The following CA6 variants were observed in gnomAD, a reference collection of about 807,000 sequenced individuals.
The protein encoded by CA6 is carbonic anhydrase 6.
CA6 carries 28 observed loss-of-function variants against 35.9 expected under a neutral mutation model. The ratio of observed to expected loss-of-function variants is 0.78; its 90% CI spans 0.58 to 1.07. The LOEUF (loss-of-function observed/expected upper bound fraction) is 1.07, where lower values mean the gene tolerates loss of function less well. CA6 is among the 50% of genes least tolerant of loss of function. The probability of loss-of-function intolerance (pLI) is 0.00; values close to 1 mark genes in which losing one functional copy is unlikely to be tolerated. For synonymous variants in CA6, 148 were observed against 152.6 expected, an observed-to-expected ratio of 0.97 and a Z score of 0.22; for missense variants, 377 against 382.0, an observed-to-expected ratio of 0.99 and a Z score of 0.11.
Position 8,945,892 on chromosome 1 carries a change from G to A in CA6, c.6G>A (p.Arg2=). ...CATTACAGATGTGCAGCACCATGAG[G>A]GCCCTGGTGCTTCTGCTGTCCCTGT... M[R]ALVLLLSLFL... Residue 2 remains arginine (R), a synonymous_variant, in exon 1 of 8, where the codon AGG becomes AGA. Coordinates refer to ENST00000377443, the MANE Select transcript of CA6 (RefSeq NM_001215.4). 6.2e-7 allele frequency: 1 copy of A among 1,608,972 alleles called. No individual in the cohort carries two copies. Among genetic ancestry groups the A allele is most frequent in the Non-Finnish European group, 8.5e-7 (1 of 1,175,476 alleles).
intron 2 of CA6, among the ~76,000 whole-genome samples, chr1:8,951,208 C>T (rs1447739101): frequency 1.4e-5 from 2 of 142,074 alleles, no homozygotes; most frequent in African/African-American, 5.4e-5. Flanking sequence ...AAGAGCAAAA[C>T]TCCATCTCAA....
intron 6 of CA6, among the ~76,000 whole-genome samples, chr1:8,969,605 G>A (rs142375482): frequency 1.3e-5 from 2 of 152,222 alleles, no homozygotes; most frequent in East Asian, 3.9e-4. Flanking sequence ...ATTCAAGAAT[G>A]CCAATTAGTT....
chr1:8,973,794 CCTCCCT>C lies in CA6; in HGVS notation c.845-824_845-819del, dbSNP rs1277878539. Among the ~76,000 whole-genome samples, 6 of 79,428 alleles carry C rather than the reference CCTCCCT, an allele frequency of 7.6e-5. 1 individual carries two copies. The highest frequency in any genetic ancestry group is 5.9e-4 in the African/African-American group (5 of 8,518). 52.1% of individuals were successfully genotyped at this position (79,428 alleles called of 152,430 possible). On this transcript the variant is annotated intron_variant, in intron 7 of 7. Transcript: ENST00000377443. ...TTTCTTTCTTTCTTTCTTTTCCCTC[CCTCCCT>C]CTCTCTCTCTCTCTCTCTCTTTCTT...
chr1:8,959,455 C>T (rs529843590), intron 4 of CA6, among the ~76,000 whole-genome samples: 1 of 151,358 alleles, frequency 6.6e-6, no homozygotes, highest in African/African-American at 2.4e-5. Context: ...GCTGGGATTA[C>T]AGGCACCTGC....
chr1:8,955,106 G>A (rs1639639892), intron 2 of CA6, among the ~76,000 whole-genome samples: 1 of 148,372 alleles, frequency 6.7e-6, no homozygotes, highest in Non-Finnish European at 1.5e-5. Flanking sequence ...CCCAGGTGCC[G>A]TGGCTCACCT....
At chr1:8,951,508 T>C (rs757686868) in intron 2 of CA6, 2 of 765,172 alleles carry the variant, frequency 2.6e-6, no homozygotes, top group Admixed American at 3.4e-5. Flanking sequence ...AGTGGCTTTG[T>C]TCACCCTCCC....
intron 2 of CA6, among the ~76,000 whole-genome samples, chr1:8,956,891 G>A (rs78462902): frequency 6.6e-6 from 1 of 152,312 alleles, no homozygotes; most frequent in Non-Finnish European, 1.5e-5. Flanking sequence ...GGAGCGTGCT[G>A]GGGAGAGGCA....
Position 8,968,962 on chromosome 1 carries a change from G to A in CA6, c.729+1146G>A, listed in dbSNP as rs913513072. On this transcript the variant is annotated intron_variant, in intron 6 of 7. Transcript: ENST00000377443. ...GAACCTGGGACGTGGAGGTTGCAGT[G>A]AGCCAAGATTGCACTACTGCACTCC... Among the ~76,000 whole-genome samples, 3 of 151,372 alleles carry A rather than the reference G, an allele frequency of 2.0e-5. No homozygotes were observed. In the South Asian group the frequency reaches 6.2e-4, roughly 32 times the overall value.
chr1:8,951,786 G>A (rs2124239971), intron 2 of CA6: 2 of 632,502 alleles, frequency 3.2e-6, no homozygotes, highest in Non-Finnish European at 5.6e-6. Context: ...ACATTAGAGT[G>A]GACCCAAAGT....
chr1:8,951,969 G>A (rs1183922132), intron 2 of CA6: 5 of 165,220 alleles, frequency 3.0e-5, no homozygotes, highest in Non-Finnish European at 6.4e-5. Flanking sequence ...ACAGGCATGT[G>A]CCACCACGCC....
At chr1:8,957,466 G>A (rs1053788292) in intron 3 of CA6, among the ~76,000 whole-genome samples, 181 bp downstream of exon 3, 8 of 152,060 alleles carry the variant, frequency 5.3e-5, no homozygotes, top group Non-Finnish European at 1.0e-4. Context: ...TTAGTCTCCC[G>A]AGTAAATGGG....
At chr1:8,959,354 A>G (rs1201054733) in intron 4 of CA6, among the ~76,000 whole-genome samples, 1 of 146,432 alleles carries the variant, frequency 6.8e-6, no homozygotes, top group African/African-American at 2.5e-5. Context: ...CACTCTTGTC[A>G]CCCAGGTTGG....
intron 1 of CA6, among the ~76,000 whole-genome samples, chr1:8,948,840 C>T (rs1639439041): frequency 6.6e-6 from 1 of 151,886 alleles, no homozygotes; most frequent in South Asian, 2.1e-4. Context: ...CGTGGTGGTG[C>T]ATGCCTGTAA....
At chr1:8,961,610 G>A (rs1431304203) in intron 4 of CA6, among the ~76,000 whole-genome samples, 1 of 152,134 alleles carries the variant, frequency 6.6e-6, no homozygotes, top group Non-Finnish European at 1.5e-5. Flanking sequence ...AGGCAGTAAA[G>A]GTGGACCAAT....
chr1:8,947,403 G>C (rs373057364), intron 1 of CA6, among the ~76,000 whole-genome samples: 1 of 152,060 alleles, frequency 6.6e-6, no homozygotes. Flanking sequence ...CAGGGTGAAC[G>C]GGATGATCTG....
chr1:8,961,600 A>G (rs988737120), intron 4 of CA6, among the ~76,000 whole-genome samples: 1 of 152,242 alleles, frequency 6.6e-6, no homozygotes, highest in Non-Finnish European at 1.5e-5. Flanking sequence ...ACACAAAAGA[A>G]GGCAGTAAAG....
At chr1:8,946,039 CTTCT>C (rs1003503320) in intron 1 of CA6, 74 bp downstream of exon 1, 48 of 871,602 alleles carry the variant, frequency 5.5e-5, no homozygotes, top group South Asian at 2.6e-4. Context: ...CCTTCTTCTT[CTTCT>C]TTTTTTTTTT....
At chr1:8,962,891 G>A (rs1639877576) in intron 5 of CA6, among the ~76,000 whole-genome samples, 1 of 152,190 alleles carries the variant, frequency 6.6e-6, no homozygotes, top group Non-Finnish European at 1.5e-5. Context: ...CATTTCCCAT[G>A]ATTGGAACTT....
chr1:8,953,330 A>T (rs1639589428), intron 2 of CA6, among the ~76,000 whole-genome samples: 1 of 152,132 alleles, frequency 6.6e-6, no homozygotes, highest in Non-Finnish European at 1.5e-5. Context: ...GCTGTTATAA[A>T]ACCCATATGC....
Sources: allele counts gnomAD v4.1 joint callset (sites outside exome capture counted in the v4.1 genomes callset), GRCh38; gene constraint gnomAD v4.1.1; transcripts MANE v1.5; gene names NCBI Gene and HGNC (gene_info 2026-07-23, HGNC 2026-07-21).